GFOD1: variants seen among roughly 807,000 people sequenced by gnomAD.
The protein encoded by GFOD1 is glucose-fructose oxidoreductase domain-containing protein 1.
Under a neutral mutation model 25.4 loss-of-function variants are expected in GFOD1, and 9 were observed. The observed-to-expected ratio is 0.35, with a 90% CI of 0.21 to 0.62. The LOEUF (loss-of-function observed/expected upper bound fraction) is 0.62. GFOD1 is among the 20% of genes least tolerant of loss of function. The pLI is 0.72. For synonymous variants in GFOD1, 253 were observed against 245.6 expected (o/e 1.03, Z -0.28); for missense variants, 403 against 556.9 (o/e 0.72, Z 2.78).
intron 1 of GFOD1, among the ~76,000 whole-genome samples, chr6:13,415,533 C>G (rs1786149594): frequency 6.6e-6 from 1 of 152,184 alleles, no homozygotes; most frequent in Non-Finnish European, 1.5e-5. Context: ...CTGCAGATTT[C>G]AGAAGCCTTC....
chr6:13,420,365 G>A (rs1786235519), intron 1 of GFOD1, among the ~76,000 whole-genome samples: 1 of 152,204 alleles, frequency 6.6e-6, no homozygotes, highest in Non-Finnish European at 1.5e-5. Flanking sequence ...GGCAGGAAGA[G>A]GGCATCCTAC....
chr6:13,385,816 A>ATGTACTTATAGAGTACATTTAAT (rs1785462247), intron 1 of GFOD1, among the ~76,000 whole-genome samples: 1 of 152,210 alleles, frequency 6.6e-6, no homozygotes, highest in Non-Finnish European at 1.5e-5. Context: ...TGGAAGTCAA[A>ATGTACTTATAGAGTACATTTAAT]GCACTTATAG....
chr6:13,428,154 A>G (rs1475101400), intron 1 of GFOD1, among the ~76,000 whole-genome samples: 2 of 152,142 alleles, frequency 1.3e-5, no homozygotes, highest in East Asian at 1.9e-4. Flanking sequence ...TCTATCAACC[A>G]TGTGTGAATT....
chr6:13,435,178 C>G (rs1388740071), intron 1 of GFOD1, among the ~76,000 whole-genome samples: 1 of 152,214 alleles, frequency 6.6e-6, no homozygotes. Flanking sequence ...AAAGAAACAA[C>G]AAGCAATGGA....
chr6:13,400,317 C>A (rs1434829308), intron 1 of GFOD1, among the ~76,000 whole-genome samples: 1 of 152,176 alleles, frequency 6.6e-6, no homozygotes, highest in Non-Finnish European at 1.5e-5. Flanking sequence ...GGAATCCTCC[C>A]CATCTCTCCA....
chr6:13,390,774 AG>A (rs1785579143), intron 1 of GFOD1, among the ~76,000 whole-genome samples: 5 of 129,970 alleles, frequency 3.8e-5, no homozygotes, highest in South Asian at 4.8e-4. Context: ...AGAGAGAGAG[AG>A]AGAGAAAGGA....
chr6:13,413,614 G>C (rs977313845), intron 1 of GFOD1, among the ~76,000 whole-genome samples: 2 of 152,110 alleles, frequency 1.3e-5, no homozygotes, highest in Non-Finnish European at 2.9e-5. Context: ...GAATGTATGA[G>C]CATTCCCTGG....
rs1399867806 is a variant in GFOD1, at chr6:13,365,770, T to A, written c.254-108A>T. The A allele has an allele frequency of 2.2e-6, 2 of 890,678 alleles. No homozygotes were observed. The highest frequency in any genetic ancestry group is 3.4e-6 in the Non-Finnish European group (2 of 590,600). The allele number at this position is 890,678 out of a possible 1,614,324, so 55.2% of individuals were successfully genotyped here. A position where few individuals can be genotyped will look rare whatever the true frequency, so the allele number is the denominator to read the frequency against. ...ACATTAATAGAAAAAGAAGGTCAGA[T>A]GTGGTGGCTCATGCCTGTTGTCCCA... On this transcript the variant is annotated intron_variant, in intron 1 of 1. Coordinates refer to ENST00000379287, the MANE Select transcript of GFOD1 (RefSeq NM_018988.4). The surrounding 1 kb of genome is among the most constrained non-coding windows in gnomAD (Gnocchi z 9.2).
intron 1 of GFOD1, among the ~76,000 whole-genome samples, chr6:13,380,708 G>A (rs1482546098): frequency 6.6e-6 from 1 of 152,178 alleles, no homozygotes; most frequent in Admixed American, 6.5e-5. Context: ...AGCTATGCAA[G>A]GCTGTAGATT....
At chr6:13,424,433 G>T (rs935416316) in intron 1 of GFOD1, among the ~76,000 whole-genome samples, 1 of 152,144 alleles carries the variant, frequency 6.6e-6, no homozygotes, top group Non-Finnish European at 1.5e-5. Flanking sequence ...ATTTCAAGGG[G>T]TTCCCTCTCA....
chr6:13,463,033 A>G (rs1758320064), intron 1 of GFOD1, among the ~76,000 whole-genome samples: 1 of 152,344 alleles, frequency 6.6e-6, no homozygotes, highest in South Asian at 2.1e-4. Flanking sequence ...TCAAACTGTC[A>G]AGAAATACAG....
At chr6:13,373,215 A>G (rs570730237) in intron 1 of GFOD1, among the ~76,000 whole-genome samples, 149 of 152,308 alleles carry the variant, frequency 9.8e-4, no homozygotes, top group Middle Eastern at 6.8e-3. Flanking sequence ...CAATGAAACC[A>G]TGAAGGAAGG....
intron 1 of GFOD1, among the ~76,000 whole-genome samples, chr6:13,366,003 T>C (rs1391026065): frequency 6.7e-6 from 1 of 150,080 alleles, no homozygotes; most frequent in Non-Finnish European, 1.5e-5. Context: ...GCCCAGGAGG[T>C]TGAGGCTGCA....
At position 13,428,031 on chromosome 6, in the gene GFOD1, G is replaced by T. The variant is rs549656781; in HGVS notation, c.253+58607C>A. On this transcript the variant is annotated intron_variant, in intron 1 of 1. Coordinates refer to ENST00000379287, the MANE Select transcript of GFOD1 (RefSeq NM_018988.4). ...ACCTCCACGCCTGGCTGGGCACAAA[G>T]GCCTGACAGTGCCCCGAGCTACATC... is the stretch of plus-strand genomic sequence containing the variant. Among the ~76,000 whole-genome samples the T allele has an allele frequency of 1.5e-4, 23 of 152,322 alleles. No homozygotes were observed. The South Asian group carries it at 4.8e-3, about 32-fold the overall frequency.
rs1318534164 is a variant in GFOD1, at chr6:13,487,048, C to A, written c.-158G>T. On this transcript the variant is annotated 5_prime_UTR_variant, in exon 1 of 2. Coordinates refer to ENST00000379287, the MANE Select transcript of GFOD1 (RefSeq NM_018988.4). The surrounding 1 kb of genome is among the most constrained non-coding windows in gnomAD (Gnocchi z 4.9). ...GGGCAAGGCGCCCGGGTGCCCAGAG[C>A]GCACCGAGCTGCAGGCGGAGCAAGC... 2 of 839,608 alleles carry A rather than the reference C, an allele frequency of 2.4e-6. No homozygotes were observed. Among genetic ancestry groups the A allele is most frequent in the African/African-American group, 1.7e-5 (1 of 58,378 alleles). The allele number at this position is 839,608 out of a possible 1,614,324, so 52.0% of individuals were successfully genotyped here.
rs1758901543 is a variant in GFOD1, at chr6:13,487,517, C to T, written c.-627G>A. On this transcript the variant is annotated 5_prime_UTR_variant, in exon 1 of 2. Coordinates refer to ENST00000379287, the MANE Select transcript of GFOD1 (RefSeq NM_018988.4). This position sits in a 1 kb window ranked among gnomAD's most constrained non-coding sequence, Gnocchi z 4.9. ...TGCAGCGCGGCAGCGGCGGCCACGA[C>T]CCGGCGCCAGCCTCCTCATTCTGCT... 1 of 152,112 alleles carries T rather than the reference C, an allele frequency of 6.6e-6. No individual in the cohort carries two copies. Among genetic ancestry groups the T allele is most frequent in the Admixed American group, 6.5e-5 (1 of 15,274 alleles). The allele number at this position is 152,112 out of a possible 1,614,324, so 9.4% of individuals were successfully genotyped here. A position where few individuals can be genotyped will look rare whatever the true frequency, so the allele number is the denominator to read the frequency against.
At chr6:13,435,535 C>T (rs1013547192) in intron 1 of GFOD1, among the ~76,000 whole-genome samples, 2 of 152,222 alleles carry the variant, frequency 1.3e-5, no homozygotes, top group Non-Finnish European at 2.9e-5. Context: ...CACCATCCCT[C>T]CAGGTGGGTT....
chr6:13,451,180 A>G (rs535210215), intron 1 of GFOD1, among the ~76,000 whole-genome samples: 1 of 152,236 alleles, frequency 6.6e-6, no homozygotes, highest in Non-Finnish European at 1.5e-5. Context: ...CCCTTGGAAT[A>G]CAGATGTGGC....
At chr6:13,386,582 A>G (rs1018426041) in intron 1 of GFOD1, among the ~76,000 whole-genome samples, 1 of 152,194 alleles carries the variant, frequency 6.6e-6, no homozygotes, top group Admixed American at 6.6e-5. Flanking sequence ...CCAGCTGCCC[A>G]CAAAGCTCTG....
Sources: gnomAD v4.1 joint callset for allele counts (sites outside exome capture counted in the v4.1 genomes callset) on GRCh38, gnomAD v4.1.1 for gene constraint, Gnocchi (gnomAD v3.1) non-coding constraint, MANE v1.5 for transcripts, NCBI Gene and HGNC (gene_info 2026-07-23, HGNC 2026-07-21) for gene names.